PCDHGA9: variants seen among roughly 807,000 people sequenced by gnomAD.
PCDHGA9 encodes the protein protocadherin gamma-A9.
Under a neutral mutation model 62.5 loss-of-function variants are expected in PCDHGA9, and 37 were observed. The ratio of observed to expected loss-of-function variants is 0.59; its 90% CI spans 0.46 to 0.78. The LOEUF (loss-of-function observed/expected upper bound fraction) is 0.78, where lower values mean the gene tolerates loss of function less well. Among genes scored for constraint, PCDHGA9 ranks in the 30% least tolerant of loss-of-function variants. The pLI is 0.00. For synonymous variants in PCDHGA9, 459 were observed against 484.6 expected, an observed-to-expected ratio of 0.95 and a Z score of 0.69; for missense variants, 1,138 against 1,166.2, an observed-to-expected ratio of 0.98 and a Z score of 0.35.
chr5:141,459,548 C>G (rs980305784), intron 1 of PCDHGA9, among the ~76,000 whole-genome samples: 2 of 152,036 alleles, frequency 1.3e-5, no homozygotes, highest in African/African-American at 4.8e-5. Flanking sequence ...TTTTATTTCT[C>G]TTGGATAAAT....
intron 1 of PCDHGA9, among the ~76,000 whole-genome samples, chr5:141,465,017 C>T (rs1278815002): frequency 6.6e-6 from 1 of 152,132 alleles, no homozygotes; most frequent in Non-Finnish European, 1.5e-5. Context: ...GCTAAGATTA[C>T]AGCCATGAAC....
chr5:141,419,138 A>G (rs1590146439), intron 1 of PCDHGA9: 1 of 1,613,920 alleles, frequency 6.2e-7, no homozygotes, highest in Non-Finnish European at 8.5e-7. Flanking sequence ...AGCCACAGAC[A>G]GGGGCAAGCC....
intron 1 of PCDHGA9, chr5:141,415,862 A>G: frequency 1.8e-6 from 2 of 1,107,350 alleles, no homozygotes; most frequent in Non-Finnish European, 1.2e-6. Flanking sequence ...TGTAGTTTAT[A>G]GTGTTGTTGA....
At position 141,429,997 on chromosome 5, in the gene PCDHGA9, G is replaced by A. The variant is rs536289272; in HGVS notation, c.2424+24621G>A. Among the ~76,000 whole-genome samples, 3 of 152,240 alleles carry A rather than the reference G, an allele frequency of 2.0e-5. No homozygotes were observed. The East Asian group carries it at 5.8e-4, about 29-fold the overall frequency. On this transcript the variant is annotated intron_variant, in intron 1 of 3. Transcript: ENST00000573521. ...TCTACTTTATGCTAAAAATATTAAT[G>A]TTTCTTTTTCACTTGGGTTCTTGTT... is the stretch of plus-strand genomic sequence containing the variant.
At position 141,511,397 on chromosome 5, in the gene PCDHGA9, C is replaced by A; in HGVS notation, c.*224C>A. ...AGCAGTTCCGCTGGGAACCCCCATC[C>A]AATCAACTGCTGTACCCATGGGGGT... On this transcript the variant is annotated 3_prime_UTR_variant, in exon 4 of 4. Coordinates refer to ENST00000573521, the MANE Select transcript of PCDHGA9 (RefSeq NM_018921.3). 1.0e-6 allele frequency: 1 copy of A among 1,002,376 alleles called. No individual in the cohort carries two copies. The highest frequency in any genetic ancestry group is 1.4e-6 in the Non-Finnish European group (1 of 705,546). 62.1% of individuals were successfully genotyped at this position (1,002,376 alleles called of 1,614,324 possible). A position where few individuals can be genotyped will look rare whatever the true frequency, so the allele number is the denominator to read the frequency against.
At chr5:141,428,021 C>G (rs1185050109) in intron 1 of PCDHGA9, 1 of 1,605,486 alleles carries the variant, frequency 6.2e-7, no homozygotes, top group Admixed American at 1.7e-5. Flanking sequence ...TGCCACGCGC[C>G]GCAGAGTCCG....
intron 1 of PCDHGA9, among the ~76,000 whole-genome samples, chr5:141,457,632 G>A (rs919693977): frequency 6.6e-6 from 1 of 152,142 alleles, no homozygotes; most frequent in African/African-American, 2.4e-5. Flanking sequence ...CTTATACTTG[G>A]CCTGATTATT....
rs1342408505 is a variant in PCDHGA9 at position 141,409,977 on chromosome 5, T to C, written c.2424+4601T>C. The C allele has an allele frequency of 1.2e-6, 2 of 1,613,300 alleles. No individual in the cohort carries two copies. Among genetic ancestry groups the C allele is most frequent in the African/African-American group, 2.7e-5 (2 of 75,026 alleles). ...CCCGGCTACCTAGTGACTAAGGTGGTAGCGGTGGACGCCGACTCGGGACAC... is the reference window on the plus strand; with the variant it reads ...CCCGGCTACCTAGTGACTAAGGTGGCAGCGGTGGACGCCGACTCGGGACAC... On this transcript the variant is annotated intron_variant, in intron 1 of 3. Transcript: ENST00000573521.
At position 141,423,614 on chromosome 5, in the gene PCDHGA9, A is replaced by C. The variant is rs1365658002; in HGVS notation, c.2424+18238A>C. 8 of 1,610,406 alleles carry C rather than the reference A, an allele frequency of 5.0e-6. No homozygotes were observed. The highest frequency in any genetic ancestry group is 6.8e-6 in the Non-Finnish European group (8 of 1,178,132). ...AAAAGCGAGCCACTCTTGATAGCTG[A>C]AGACTCAGCTATCATTTTAGGCAAA... On this transcript the variant is annotated intron_variant, in intron 1 of 3. Transcript: ENST00000573521.
chr5:141,498,930 C>T (rs2099786911), intron 2 of PCDHGA9, among the ~76,000 whole-genome samples: 1 of 121,364 alleles, frequency 8.2e-6, no homozygotes, highest in Non-Finnish European at 1.6e-5. Flanking sequence ...GAGACTCCAT[C>T]AGGAAAGAAA....
chr5:141,447,558 G>T (rs551305232), intron 1 of PCDHGA9, among the ~76,000 whole-genome samples: 1 of 152,264 alleles, frequency 6.6e-6, no homozygotes, highest in African/African-American at 2.4e-5. Context: ...GAGTACACTT[G>T]GAGGATTCTA....
intron 1 of PCDHGA9, among the ~76,000 whole-genome samples, chr5:141,436,793 C>A (rs752376420): frequency 6.6e-6 from 1 of 152,178 alleles, no homozygotes; most frequent in Non-Finnish European, 1.5e-5. Context: ...TAAAACTGTT[C>A]TAAAATTTTT....
intron 2 of PCDHGA9, among the ~76,000 whole-genome samples, chr5:141,504,786 C>A (rs568185327): frequency 6.6e-6 from 1 of 152,014 alleles, no homozygotes; most frequent in South Asian, 2.1e-4. Context: ...TCTCTTGGGG[C>A]CTCCTACATC....
chr5:141,446,747 G>A (rs997132200), intron 1 of PCDHGA9, among the ~76,000 whole-genome samples: 10 of 152,190 alleles, frequency 6.6e-5, no homozygotes, highest in African/African-American at 1.4e-4. Context: ...GATTACAGGC[G>A]TGAGCCACCG....
chr5:141,414,212 A>G (rs778319178), intron 1 of PCDHGA9: 1 of 1,612,944 alleles, frequency 6.2e-7, no homozygotes, highest in Admixed American at 1.7e-5. Flanking sequence ...GATGTAAATG[A>G]CAACAGTCCA....
At chr5:141,414,452 T>G in intron 1 of PCDHGA9, 1 of 1,613,886 alleles carries the variant, frequency 6.2e-7, no homozygotes, top group Non-Finnish European at 8.5e-7. Context: ...AATATCACAG[T>G]GACAGCCACA....
chr5:141,415,227 T>A, intron 1 of PCDHGA9: 2 of 1,614,126 alleles, frequency 1.2e-6, no homozygotes, highest in African/African-American at 2.7e-5. Context: ...GCTTCGAGTC[T>A]CCAGCTAACT....
intron 1 of PCDHGA9, chr5:141,413,714 A>T: frequency 6.2e-7 from 1 of 1,613,586 alleles, no homozygotes; most frequent in Non-Finnish European, 8.5e-7. Flanking sequence ...AGCCCCAATA[A>T]GCACTTCTCC....
chr5:141,470,650 T>C (rs2099235744), intron 1 of PCDHGA9, among the ~76,000 whole-genome samples: 1 of 152,184 alleles, frequency 6.6e-6, no homozygotes, highest in Non-Finnish European at 1.5e-5. Context: ...TGAAGGCCCC[T>C]ACCCTTTGGT....
Sources: allele counts gnomAD v4.1 joint callset (sites outside exome capture counted in the v4.1 genomes callset), GRCh38; gene constraint gnomAD v4.1.1; transcripts MANE v1.5; gene names NCBI Gene and HGNC (gene_info 2026-07-23, HGNC 2026-07-21).